The following TNFAIP3 variants were observed in gnomAD, a reference collection of about 807,000 sequenced individuals.
The protein encoded by TNFAIP3 is tumor necrosis factor alpha-induced protein 3.
TNFAIP3 carries 9 observed loss-of-function variants against 72.4 expected under a neutral mutation model. The observed-to-expected ratio is 0.12, with a 90% CI of 0.07 to 0.22. The LOEUF (loss-of-function observed/expected upper bound fraction) is 0.22, where lower values mean the gene tolerates loss of function less well. TNFAIP3 is among the 10% of genes least tolerant of loss of function. TNFAIP3 has a pLI of 1.00. For missense variants in TNFAIP3, 833 were observed against 1,018.7 expected, an observed-to-expected ratio of 0.82 and a Z score of 2.48; for synonymous variants, 339 against 372.6, an observed-to-expected ratio of 0.91 and a Z score of 1.04.
At position 137,871,189 on chromosome 6, in the gene TNFAIP3, T is replaced by C. The variant is rs1174949689; in HGVS notation, c.-15-24T>C. The stretch of plus-strand genomic sequence containing the variant: ...TTAAAGTCAGGCTAATAGAATGGCT[T>C]TTTTTTTTTCCTTTCCTTTTCAGGT... On this transcript the variant is annotated intron_variant, in intron 1 of 8. Transcript: ENST00000612899. This position sits in a 1 kb window ranked among gnomAD's most constrained non-coding sequence, Gnocchi z 4.2. 1.3e-6 allele frequency: 2 copies of C among 1,532,910 alleles called. No individual in the cohort carries two copies. Among genetic ancestry groups the C allele is most frequent in the Non-Finnish European group, 1.8e-6 (2 of 1,139,674 alleles). The allele number at this position is 1,532,910 out of a possible 1,614,324, so 95.0% of individuals were successfully genotyped here.
At chr6:137,874,667 T>TC (rs1218255348) in intron 2 of TNFAIP3, among the ~76,000 whole-genome samples, 178 bp from the exon 3 acceptor site, 1 of 152,244 alleles carries the variant, frequency 6.6e-6, no homozygotes, top group Non-Finnish European at 1.5e-5. Context: ...ACTCTTTTTT[T>TC]CTTAAAGCTG....
intron 6 of TNFAIP3, 50 bp downstream of exon 6, chr6:137,877,306 A>C: frequency 6.6e-7 from 1 of 1,515,628 alleles, no homozygotes. Flanking sequence ...AACTGTCTTT[A>C]ACCTCAGCCA....
In TNFAIP3 at chr6:137,880,090, G is replaced by A. The variant is rs765943504; in HGVS notation, c.1926G>A (p.Gly642=). ...RENKHFAAAS[G]KVSPTASRFQ... is the part of the protein sequence containing the mutation. ...ATGTAGATTTTGCTGCTGCCTCAGG[G>A]AAAGTCAGTCCCACAGCGTCCAGGT... Residue 642 remains glycine (G), a synonymous_variant, in exon 8 of 9, where the codon GGG becomes GGA. Coordinates refer to ENST00000612899, the MANE Select transcript of TNFAIP3 (RefSeq NM_001270508.2). The A allele has an allele frequency of 6.2e-7, 1 of 1,614,138 alleles. No homozygotes were observed. The highest frequency in any genetic ancestry group is 1.1e-5 in the South Asian group (1 of 91,078).
rs2114454868 is a variant in TNFAIP3 at position 137,871,107 on chromosome 6, G to A, written c.-15-106G>A. On this transcript the variant is annotated intron_variant, in intron 1 of 8. Transcript: ENST00000612899. This position sits in a 1 kb window ranked among gnomAD's most constrained non-coding sequence, Gnocchi z 4.2. ...GCTAAGATCTTTTGCCTACAGATCA[G>A]GGTAATGACAAGATCAAACACTGGG... 9.5e-7 allele frequency: 1 copy of A among 1,048,480 alleles called. No individual in the cohort carries two copies. The highest frequency in any genetic ancestry group is 2.5e-5 in the East Asian group (1 of 40,570). The allele number at this position is 1,048,480 out of a possible 1,614,324, so 64.9% of individuals were successfully genotyped here. A position where few individuals can be genotyped will look rare whatever the true frequency, so the allele number is the denominator to read the frequency against.
chr6:137,881,222 A>G lies in TNFAIP3; in HGVS notation c.2276A>G (p.Lys759Arg), dbSNP rs1776449333. 1 of 1,610,588 alleles carries G rather than the reference A, an allele frequency of 6.2e-7. No homozygotes were observed. The highest frequency in any genetic ancestry group is 8.5e-7 in the Non-Finnish European group (1 of 1,178,630). ...GAGCCTGCCCCCGAAGACCCCCCCA[A>G]GCAGCGTTGCCGGGCCCCCGCCTGT... is the stretch of plus-strand genomic sequence containing the variant. ...RGEPAPEDPP[K>R]QRCRAPACDH... is the part of the protein sequence containing the mutation. The change falls in exon 9 of 9, where the codon AAG becomes AGG. Residue 759 changes from lysine to arginine, a missense_variant. Around this residue, in one of 2 missense-constraint regions of TNFAIP3, gnomAD observed 587 missense variants for 657.8 expected, o/e 0.89. Coordinates refer to ENST00000612899, the MANE Select transcript of TNFAIP3 (RefSeq NM_001270508.2). The surrounding 1 kb of genome is among the most constrained non-coding windows in gnomAD (Gnocchi z 5.0).
rs1776055571 is a variant in TNFAIP3 at position 137,871,380 on chromosome 6, C to A, written c.153C>A (p.Phe51Leu). 1 of 1,614,188 alleles carries A rather than the reference C, an allele frequency of 6.2e-7. No individual in the cohort carries two copies. Among genetic ancestry groups the A allele is most frequent in the Non-Finnish European group, 8.5e-7 (1 of 1,180,032 alleles). Residue 51 changes from phenylalanine to leucine, a missense_variant, in exon 2 of 9, where the codon TTC becomes TTA. This residue lies in a region of TNFAIP3 where 246 missense variants were observed against 360.9 expected (regional missense o/e 0.68). Coordinates refer to ENST00000612899, the MANE Select transcript of TNFAIP3 (RefSeq NM_001270508.2). The surrounding 1 kb of genome is among the most constrained non-coding windows in gnomAD (Gnocchi z 4.2). ...KTMHRYTLEM[F>L]RTCQFCPQFR... is the part of the protein sequence containing the mutation. ...TGCACCGATACACACTGGAAATGTT[C>A]AGAACTTGCCAGTTTTGTCCTCAGT...
intron 1 of TNFAIP3, among the ~76,000 whole-genome samples, chr6:137,868,490 G>T (rs1219777918): frequency 1.3e-5 from 2 of 151,568 alleles, no homozygotes; most frequent in African/African-American, 4.8e-5. Context: ...TACTATTTTT[G>T]ATTTTTTGGA....
intron 5 of TNFAIP3, among the ~76,000 whole-genome samples, chr6:137,876,721 T>A (rs1776261530): frequency 6.6e-6 from 1 of 152,238 alleles, no homozygotes; most frequent in African/African-American, 2.4e-5. Context: ...AGCCTTATTT[T>A]ACATATTAGA....
At position 137,881,107 on chromosome 6, in the gene TNFAIP3, T is replaced by G. The variant is rs770253229; in HGVS notation, c.2161T>G (p.Cys721Gly). Residue 721 changes from cysteine (C) to glycine (G), a missense_variant, in exon 9 of 9, where the codon TGC becomes GGC. Transcript: ENST00000612899. The surrounding 1 kb of genome is among the most constrained non-coding windows in gnomAD (Gnocchi z 5.0). ...TSRPKCARAS[C>G]KNILACRSEE... Reference sequence around the variant, plus strand: ...AAGGCCCAAGTGCGCCCGGGCCTCCTGCAAGAACATCCTGGCCTGCCGCAG... The same window carrying G: ...AAGGCCCAAGTGCGCCCGGGCCTCCGGCAAGAACATCCTGGCCTGCCGCAG... The G allele has an allele frequency of 4.3e-6, 7 of 1,613,882 alleles. No individual in the cohort carries two copies. In the East Asian group the frequency reaches 1.3e-4, roughly 31 times the overall value.
chr6:137,876,223 C>A, intron 5 of TNFAIP3, 57 bp downstream of exon 5: 1 of 1,442,916 alleles, frequency 6.9e-7, no homozygotes, highest in Non-Finnish European at 9.5e-7. Flanking sequence ...TCAGGGTTTT[C>A]CTTTTTGCTT....
At position 137,875,824 on chromosome 6, in the gene TNFAIP3, T is replaced by C. The variant is rs2114483278; in HGVS notation, c.623T>C (p.Ile208Thr). The C allele has an allele frequency of 1.2e-6, 2 of 1,614,218 alleles. No homozygotes were observed. The highest frequency in any genetic ancestry group is 2.7e-5 in the African/African-American group (2 of 75,064). Reference protein sequence around the residue: ...VLCNILRRPIIVISDKMLRSL... With the variant: ...VLCNILRRPITVISDKMLRSL... The stretch of plus-strand genomic sequence containing the variant: ...TGCAACATCCTCAGAAGGCCAATCA[T>C]TGTCATTTCAGGTGAGATGCCTGCA... Residue 208 changes from isoleucine (I) to threonine (T), a missense_variant, in exon 4 of 9, where the codon ATT (isoleucine) becomes ACT (threonine). Physicochemically the swap from Ile to Thr is moderately conservative, Grantham distance 89. Transcript: ENST00000612899.
At position 137,871,617 on chromosome 6, in the gene TNFAIP3, C is replaced by G; in HGVS notation, c.295+95C>G. ...AGCTTTAATAGGACAAGCCCAAACT[C>G]AAATCAATCTTGAGATTTAGTATTG... On this transcript the variant is annotated intron_variant, in intron 2 of 8. Coordinates refer to ENST00000612899, the MANE Select transcript of TNFAIP3 (RefSeq NM_001270508.2). The surrounding 1 kb of genome is among the most constrained non-coding windows in gnomAD (Gnocchi z 4.2). 7.2e-7 allele frequency: 1 copy of G among 1,389,606 alleles called. No individual in the cohort carries two copies. Among genetic ancestry groups the G allele is most frequent in the Non-Finnish European group, 9.8e-7 (1 of 1,020,916 alleles). 86.1% of individuals were successfully genotyped at this position (1,389,606 alleles called of 1,614,324 possible).
Position 137,880,993 on chromosome 6 carries a change from G to A in TNFAIP3, c.2089-42G>A, listed in dbSNP as rs189005032. On this transcript the variant is annotated intron_variant, in intron 8 of 8. Coordinates refer to ENST00000612899, the MANE Select transcript of TNFAIP3 (RefSeq NM_001270508.2). ...CTCTCCCTAAGAAATGTGAGCAATAGTTTCCTGACTTTTTAATGATCTGCC... is the reference window on the plus strand; with the variant it reads ...CTCTCCCTAAGAAATGTGAGCAATAATTTCCTGACTTTTTAATGATCTGCC... 7.3e-3 allele frequency: 11,279 copies of A among 1,547,232 alleles called. 62 individuals carry two copies. Among genetic ancestry groups the A allele is most frequent in the Non-Finnish European group, 8.3e-3 (9,522 of 1,144,262 alleles).
Position 137,868,880 on chromosome 6 carries a change from C to G in TNFAIP3, c.-16+1338C>G, listed in dbSNP as rs1300246799. On this transcript the variant is annotated intron_variant, in intron 1 of 8. Coordinates refer to ENST00000612899, the MANE Select transcript of TNFAIP3 (RefSeq NM_001270508.2). The stretch of plus-strand genomic sequence containing the variant: ...GGCTAACCCTACCAATGAGATCACA[C>G]TGGCGTATCCGATATTGACATTTGC... Among the ~76,000 whole-genome samples, 10 of 152,242 alleles carry G rather than the reference C, an allele frequency of 6.6e-5. No individual in the cohort carries two copies. In the East Asian group the frequency reaches 1.7e-3, roughly 26 times the overall value.
rs368146619 is a variant in TNFAIP3 at position 137,878,574 on chromosome 6, G to A, written c.1129G>A (p.Val377Met). ...GHAQNPMEPS[V>M]PQLSLMDVKC... ...CGCCCAGAATCCCATGGAACCTTCC[G>A]TGCCCCAGCTTTCTCTCATGGATGT... The change falls in exon 7 of 9, where the codon GTG (valine) becomes ATG (methionine). Residue 377 changes from valine (V) to methionine (M), a missense_variant. Val to Met is a conservative substitution (Grantham distance 21). This residue lies in a region of TNFAIP3 where 587 missense variants were observed against 657.8 expected (regional missense o/e 0.89). Coordinates refer to ENST00000612899, the MANE Select transcript of TNFAIP3 (RefSeq NM_001270508.2). The A allele has an allele frequency of 1.5e-5, 24 of 1,614,224 alleles. No individual in the cohort carries two copies. Among genetic ancestry groups the A allele is most frequent in the African/African-American group, 2.7e-5 (2 of 75,058 alleles).
chr6:137,867,285 A>C lies in TNFAIP3; in HGVS notation c.-273A>C, dbSNP rs1775868970. 6.6e-6 allele frequency: 1 copy of C among 151,000 alleles called. No homozygotes were observed. Among genetic ancestry groups the C allele is most frequent in the Admixed American group, 6.6e-5 (1 of 15,228 alleles). 9.4% of individuals were successfully genotyped at this position (151,000 alleles called of 1,614,324 possible). ...CAGTCTGCAGTCTTCGTGGCGGGCC[A>C]AGCGAGCTTGGAGCCCGCGGGGGCG... On this transcript the variant is annotated 5_prime_UTR_variant, in exon 1 of 9. Transcript: ENST00000612899. The surrounding 1 kb of genome is among the most constrained non-coding windows in gnomAD (Gnocchi z 6.0).
At chr6:137,868,042 A>G in intron 1 of TNFAIP3, 1 of 153,576 alleles carries the variant, frequency 6.5e-6, no homozygotes, top group Non-Finnish European at 1.5e-5. Context: ...AGCTTCCCAG[A>G]CGCTCACGGG....
rs2114456334 is a variant in TNFAIP3, at chr6:137,871,185, G to C, written c.-15-28G>C. 6.4e-7 allele frequency: 1 copy of C among 1,556,800 alleles called. No individual in the cohort carries two copies. The highest frequency in any genetic ancestry group is 8.7e-7 in the Non-Finnish European group (1 of 1,154,302). Reference sequence around the variant, plus strand: ...CGTATTAAAGTCAGGCTAATAGAATGGCTTTTTTTTTTTCCTTTCCTTTTC... The same window carrying C: ...CGTATTAAAGTCAGGCTAATAGAATCGCTTTTTTTTTTTCCTTTCCTTTTC... On this transcript the variant is annotated intron_variant, in intron 1 of 8. Transcript: ENST00000612899. This position sits in a 1 kb window ranked among gnomAD's most constrained non-coding sequence, Gnocchi z 4.2.
chr6:137,868,810 C>T (rs1001552007), intron 1 of TNFAIP3, among the ~76,000 whole-genome samples: 1 of 151,978 alleles, frequency 6.6e-6, no homozygotes, highest in Non-Finnish European at 1.5e-5. Context: ...GAAATCTGGG[C>T]AGTGGGTTTT....
Sources: gnomAD v4.1 joint callset for allele counts (sites outside exome capture counted in the v4.1 genomes callset) on GRCh38, gnomAD v4.1.1 for gene constraint, gnomAD v4.1.1 regional missense constraint, Gnocchi (gnomAD v3.1) non-coding constraint, MANE v1.5 for transcripts, NCBI Gene and HGNC (gene_info 2026-07-23, HGNC 2026-07-21) for gene names.